The following TMEM232 variants were observed in gnomAD, a reference collection of about 807,000 sequenced individuals.
TMEM232 encodes the protein transmembrane protein 232.
Under a neutral mutation model 78.8 loss-of-function variants are expected in TMEM232, and 80 were observed. The observed-to-expected ratio is 1.01, with a 90% CI of 0.85 to 1.22. TMEM232 has a LOEUF of 1.22. Among genes scored for constraint, TMEM232 ranks in the 50% most tolerant of loss-of-function variants. TMEM232 has a pLI of 0.00. For synonymous variants in TMEM232, 297 were observed against 254.3 expected, an observed-to-expected ratio of 1.17 and a Z score of -1.60; for missense variants, 881 against 742.2, an observed-to-expected ratio of 1.19 and a Z score of -2.17.
intron 1 of TMEM232, among the ~76,000 whole-genome samples, chr5:110,683,104 CACTTATT>C (rs1792953869): frequency 6.6e-6 from 1 of 152,072 alleles, no homozygotes; most frequent in Non-Finnish European, 1.5e-5. Flanking sequence ...TGGAAAGGAA[CACTTATT>C]ACTTATTATG....
intron 11 of TMEM232, among the ~76,000 whole-genome samples, chr5:110,534,310 C>T (rs369515294): frequency 1.3e-5 from 2 of 152,216 alleles, no homozygotes; most frequent in South Asian, 2.1e-4. Flanking sequence ...CTTTATATCC[C>T]TTACAGTCCT....
intron 12 of TMEM232, among the ~76,000 whole-genome samples, chr5:110,469,852 C>A (rs978664845): frequency 6.6e-6 from 1 of 152,144 alleles, no homozygotes; most frequent in Non-Finnish European, 1.5e-5. Context: ...AGCTGAGACA[C>A]CCTGCCTTAC....
At chr5:110,733,487 G>A (rs532099038) in intron 2 of TMEM232, among the ~76,000 whole-genome samples, 1 of 152,288 alleles carries the variant, frequency 6.6e-6, no homozygotes, top group Non-Finnish European at 1.5e-5. Flanking sequence ...GTACACCATG[G>A]AATACTATGC....
chr5:110,637,216 A>G (rs1030884106), intron 5 of TMEM232, among the ~76,000 whole-genome samples: 9 of 151,410 alleles, frequency 5.9e-5, no homozygotes, highest in Admixed American at 4.6e-4. Flanking sequence ...AAGAAAAAAA[A>G]TCATCATAAG....
intron 11 of TMEM232, among the ~76,000 whole-genome samples, chr5:110,561,399 GTA>G (rs567759693): frequency 6.6e-6 from 1 of 150,530 alleles, no homozygotes; most frequent in Non-Finnish European, 1.5e-5. Flanking sequence ...ATATGTGTGG[GTA>G]TATATATATA....
At chr5:110,479,637 A>G (rs1239336336) in intron 12 of TMEM232, among the ~76,000 whole-genome samples, 1 of 151,840 alleles carries the variant, frequency 6.6e-6, no homozygotes, top group African/African-American at 2.4e-5. Context: ...TGAATTTACC[A>G]CAACTTACTT....
chr5:110,705,709 T>C (rs1055102970), intron 1 of TMEM232, among the ~76,000 whole-genome samples: 1 of 48,384 alleles, frequency 2.1e-5, no homozygotes, highest in East Asian at 6.3e-4. Context: ...TATGTGTGTG[T>C]ATATATATAT....
At chr5:110,570,971 C>A (rs1776874633) in intron 10 of TMEM232, among the ~76,000 whole-genome samples, 2 of 151,940 alleles carry the variant, frequency 1.3e-5, no homozygotes, top group African/African-American at 2.4e-5. Context: ...TTCTAGAATA[C>A]ACATCTCATT....
intron 12 of TMEM232, among the ~76,000 whole-genome samples, chr5:110,469,199 C>T (rs998911815): frequency 4.6e-5 from 7 of 152,150 alleles, no homozygotes; most frequent in African/African-American, 1.7e-4. Flanking sequence ...CGCTCAGTGG[C>T]CTGCAGAGCT....
At chr5:110,650,042 C>T (rs751286819) in intron 2 of TMEM232, among the ~76,000 whole-genome samples, 21 of 152,104 alleles carry the variant, frequency 1.4e-4, no homozygotes, top group Non-Finnish European at 2.5e-4. Flanking sequence ...AGAGGAGTGC[C>T]TGGTACATGC....
intron 11 of TMEM232, among the ~76,000 whole-genome samples, chr5:110,543,946 A>T (rs1023060053): frequency 6.6e-6 from 1 of 152,198 alleles, no homozygotes; most frequent in South Asian, 2.1e-4. Context: ...CTTGAATGCC[A>T]TCTATGCATA....
At chr5:110,425,500 G>A (rs966413017) in intron 12 of TMEM232, among the ~76,000 whole-genome samples, 3 of 152,040 alleles carry the variant, frequency 2.0e-5, no homozygotes, top group African/African-American at 7.2e-5. Flanking sequence ...AAGTCTTAGG[G>A]AAGAGCCTAA....
At chr5:110,711,191 G>A (rs1463132336) in intron 1 of TMEM232, among the ~76,000 whole-genome samples, 1 of 152,022 alleles carries the variant, frequency 6.6e-6, no homozygotes. Context: ...AAATACCTAG[G>A]TATTAACCAA....
intron 1 of TMEM232, among the ~76,000 whole-genome samples, chr5:110,688,043 G>A (rs778515533): frequency 4.6e-5 from 7 of 151,852 alleles, no homozygotes; most frequent in Non-Finnish European, 1.0e-4. Context: ...TGCATATTTT[G>A]TTTAGTAACT....
chr5:110,700,312 T>C (rs998732997), intron 1 of TMEM232, among the ~76,000 whole-genome samples: 2 of 152,068 alleles, frequency 1.3e-5, no homozygotes, highest in Non-Finnish European at 2.9e-5. Context: ...TGATTCTTTA[T>C]TAAATTCAAC....
intron 12 of TMEM232, among the ~76,000 whole-genome samples, chr5:110,446,302 T>C (rs754564967): frequency 2.0e-5 from 3 of 152,174 alleles, no homozygotes; most frequent in Non-Finnish European, 2.9e-5. Context: ...ATACTTGCTG[T>C]CTTTGAAGGT....
chr5:110,521,185 CTT>C lies in TMEM232; in HGVS notation c.1703+7401_1703+7402del, dbSNP rs1428931788. On this transcript the variant is annotated intron_variant, in intron 12 of 13. Coordinates refer to ENST00000455884, the MANE Select transcript of TMEM232 (RefSeq NM_001039763.4). Reference sequence around the variant, plus strand: ...CAGGTGACCTCTCATCCCCCAAGACCTTTCTCTCTCATGGAATACCCTGATGA... The same window carrying C: ...CAGGTGACCTCTCATCCCCCAAGACCTCTCTCTCATGGAATACCCTGATGA... Among the ~76,000 whole-genome samples the C allele has an allele frequency of 2.0e-5, 3 of 152,228 alleles. No individual in the cohort carries two copies. The East Asian group carries it at 5.8e-4, about 29-fold the overall frequency.
rs975560210 is a variant in TMEM232 at position 110,516,899 on chromosome 5, C to G, written c.1703+11689G>C. ...CAGATACTTCATTAACAAGGAAGTT[C>G]TCATCTCCTCCTTTCTAGAAAATTT... On this transcript the variant is annotated intron_variant, in intron 12 of 13. Coordinates refer to ENST00000455884, the MANE Select transcript of TMEM232 (RefSeq NM_001039763.4). 2.5e-4 allele frequency among the ~76,000 whole-genome samples: 38 copies of G among 152,070 alleles called. 1 individual carries two copies. Among genetic ancestry groups the G allele is most frequent in the African/African-American group, 9.2e-4 (38 of 41,406 alleles).
At chr5:110,412,861 GTATTAAA>G (rs1162577491) in intron 2 of TMEM232, among the ~76,000 whole-genome samples, 1 of 152,084 alleles carries the variant, frequency 6.6e-6, no homozygotes, top group Non-Finnish European at 1.5e-5. Flanking sequence ...AACTTTCAGT[GTATTAAA>G]TATTAATTTT....
Sources: allele counts gnomAD v4.1 joint callset (sites outside exome capture counted in the v4.1 genomes callset), GRCh38; gene constraint gnomAD v4.1.1; transcripts MANE v1.5; gene names NCBI Gene and HGNC (gene_info 2026-07-23, HGNC 2026-07-21).